Variants in SOAT1 observed in about 807,000 individuals in gnomAD.
SOAT1 encodes sterol O-acyltransferase 1, also known as acyl-coenzyme A:cholesterol acyltransferase 1.
Under a neutral mutation model 69.5 loss-of-function variants are expected in SOAT1, and 55 were observed. The ratio of observed to expected loss-of-function variants is 0.79; its 90% confidence interval spans 0.64 to 0.99. SOAT1 has a LOEUF of 0.99. SOAT1 is among the 50% of genes least tolerant of loss of function. The probability of loss-of-function intolerance (pLI) is 0.00; values close to 1 mark genes in which losing one functional copy is unlikely to be tolerated. For synonymous variants in SOAT1, 231 were observed against 224.7 expected, an observed-to-expected ratio of 1.03 and a Z score of -0.25; for missense variants, 580 against 669.3, an observed-to-expected ratio of 0.87 and a Z score of 1.47.
intron 2 of SOAT1, among the ~76,000 whole-genome samples, chr1:179,317,465 G>A (rs1343441707): frequency 2.0e-5 from 3 of 150,502 alleles, no homozygotes; most frequent in Admixed American, 6.6e-5. Context: ...CCCAGGAGGC[G>A]GAGCTTGCAG....
At chr1:179,312,911 A>G (rs1351266032) in intron 2 of SOAT1, among the ~76,000 whole-genome samples, 1 of 152,052 alleles carries the variant, frequency 6.6e-6, no homozygotes, top group Non-Finnish European at 1.5e-5. Context: ...CTGACCACAC[A>G]CTAGAAAAAG....
chr1:179,305,298 G>A (rs1371096981), intron 2 of SOAT1, among the ~76,000 whole-genome samples: 1 of 152,092 alleles, frequency 6.6e-6, no homozygotes. Context: ...CCAGGCTGGA[G>A]TGCAGGGGCT....
intron 7 of SOAT1, among the ~76,000 whole-genome samples, chr1:179,341,694 C>G (rs530878607): frequency 1.1e-4 from 16 of 152,024 alleles, no homozygotes; most frequent in Non-Finnish European, 1.9e-4. Flanking sequence ...GCCACCACAC[C>G]CGGCTAATTT....
chr1:179,337,578 C>T (rs1386453646), intron 4 of SOAT1, among the ~76,000 whole-genome samples: 1 of 152,018 alleles, frequency 6.6e-6, no homozygotes, highest in African/African-American at 2.4e-5. Flanking sequence ...CTGGGTGTGG[C>T]GAGCTTTCCC....
chr1:179,351,710 A>T (rs56303406), intron 15 of SOAT1, among the ~76,000 whole-genome samples: 3 of 135,664 alleles, frequency 2.2e-5, no homozygotes, highest in South Asian at 2.3e-4. Flanking sequence ...CCTTTTCTTC[A>T]GCCCCTTCTA....
intron 2 of SOAT1, among the ~76,000 whole-genome samples, chr1:179,322,037 A>G (rs1318366653): frequency 6.6e-6 from 1 of 151,800 alleles, no homozygotes; most frequent in Non-Finnish European, 1.5e-5. Context: ...GTGCACCACC[A>G]TGCCTGGCTA....
In SOAT1 at chr1:179,302,705, G is replaced by C. The variant is rs940472797; in HGVS notation, c.21G>C (p.Met7Ile). The C allele has an allele frequency of 1.2e-6, 2 of 1,603,768 alleles. No individual in the cohort carries two copies. Among genetic ancestry groups the C allele is most frequent in the Admixed American group, 3.5e-5 (2 of 56,472 alleles). MVGEEKMSLRNRLSKSR... is the reference protein window; with the variant it reads MVGEEKISLRNRLSKSR... Reference sequence around the variant, plus strand: ...ATACAATGGTGGGTGAAGAGAAGATGTCTCTAAGAAACCGGCTGTCAAAGT... The same window carrying C: ...ATACAATGGTGGGTGAAGAGAAGATCTCTCTAAGAAACCGGCTGTCAAAGT... The change falls in exon 2 of 16, where the codon ATG (methionine) becomes ATC (isoleucine). Residue 7 changes from methionine (M) to isoleucine (I), a missense_variant. Transcript: ENST00000367619.
chr1:179,333,683 A>G (rs1022469992), intron 3 of SOAT1, among the ~76,000 whole-genome samples: 3 of 151,812 alleles, frequency 2.0e-5, no homozygotes, highest in African/African-American at 7.2e-5. Flanking sequence ...AAAGTACAAA[A>G]TGGGCTGGGT....
chr1:179,299,741 CTATCTT>C (rs1664767046), intron 1 of SOAT1, among the ~76,000 whole-genome samples: 1 of 93,262 alleles, frequency 1.1e-5, no homozygotes, highest in Admixed American at 1.2e-4. Flanking sequence ...AATCATTTTG[CTATCTT>C]TTTTTTTTTT....
Position 179,339,535 on chromosome 1 carries a change from G to C in SOAT1, c.487G>C (p.Asp163His). Residue 163 changes from aspartate (D) to histidine (H), a missense_variant, in exon 6 of 16, where the codon GAT becomes CAT. Transcript: ENST00000367619. ...CAGCACACTTGTAGTAGATTACATT[G>C]ATGAAGGAAGGTAAGACAACAAAAA... ...ILSTLVVDYI[D>H]EGRLVLEFSL... 3 of 1,601,170 alleles carry C rather than the reference G, an allele frequency of 1.9e-6. No homozygotes were observed. The South Asian group carries it at 3.4e-5, about 18-fold the overall frequency.
At chr1:179,300,877 C>T (rs1664810710) in intron 1 of SOAT1, among the ~76,000 whole-genome samples, 1 of 152,012 alleles carries the variant, frequency 6.6e-6, no homozygotes, top group Non-Finnish European at 1.5e-5. Flanking sequence ...GGGCGGATAA[C>T]TTGAGGTCAG....
At position 179,302,770 on chromosome 1, in the gene SOAT1, C is replaced by A; in HGVS notation, c.86C>A (p.Pro29His). 6.2e-7 allele frequency: 1 copy of A among 1,601,970 alleles called. No individual in the cohort carries two copies. Among genetic ancestry groups the A allele is most frequent in the East Asian group, 2.2e-5 (1 of 44,694 alleles). ...GAGGAAGATGAAGACCAGAGAAACC[C>A]TGCAAAGGAGTCCCTAGAGACACCT... ...NPEEDEDQRNPAKESLETPSN... is the reference protein window; with the variant it reads ...NPEEDEDQRNHAKESLETPSN... Residue 29 changes from proline to histidine, a missense_variant, in exon 2 of 16, where the codon CCT (proline) becomes CAT (histidine). Physicochemically the swap from Pro to His is moderately conservative, Grantham distance 77. Coordinates refer to ENST00000367619, the MANE Select transcript of SOAT1 (RefSeq NM_003101.6).
chr1:179,302,583 A>T, intron 1 of SOAT1, 94 bp from the exon 2 acceptor site: 1 of 711,686 alleles, frequency 1.4e-6, no homozygotes, highest in Non-Finnish European at 2.2e-6. Flanking sequence ...TGAGACAGTT[A>T]AACCTCTTTC....
chr1:179,306,223 C>T (rs1413376976), intron 2 of SOAT1, among the ~76,000 whole-genome samples: 1 of 152,140 alleles, frequency 6.6e-6, no homozygotes, highest in African/African-American at 2.4e-5. Context: ...GATAAGGCTC[C>T]AACAGCCTCT....
intron 1 of SOAT1, among the ~76,000 whole-genome samples, chr1:179,302,402 C>A (rs188760747): frequency 6.6e-6 from 1 of 152,210 alleles, no homozygotes; most frequent in South Asian, 2.1e-4. Flanking sequence ...GGGGCAGTTT[C>A]CCCCATGCTG....
chr1:179,329,200 G>C (rs1237925937), intron 3 of SOAT1, among the ~76,000 whole-genome samples: 1 of 152,088 alleles, frequency 6.6e-6, no homozygotes, highest in Non-Finnish European at 1.5e-5. Context: ...TTAGCTGGGT[G>C]TGGTGACACA....
Position 179,350,429 on chromosome 1 carries a change from GAAGT to G in SOAT1, c.1450+4_1450+7del, listed in dbSNP as rs1393782007. 9.3e-6 allele frequency: 15 copies of G among 1,613,306 alleles called. No homozygotes were observed. The highest frequency in any genetic ancestry group is 1.3e-5 in the Non-Finnish European group (15 of 1,179,846). ...CTCTTCGTGCTCTTCATGTTCTTTG[GAAGT>G]AAGTATCTTGGTATGCTGTGAGTAC... On this transcript the variant is annotated splice_donor_variant and coding_sequence_variant, in exon 14 of 16. Transcript: ENST00000367619. LOFTEE classifies it high-confidence loss of function.
At chr1:179,320,535 G>A (rs1180747637) in intron 2 of SOAT1, among the ~76,000 whole-genome samples, 1 of 152,030 alleles carries the variant, frequency 6.6e-6, no homozygotes, top group Non-Finnish European at 1.5e-5. Flanking sequence ...AAGAAGCCAG[G>A]TGAAATTTTA....
intron 14 of SOAT1, among the ~76,000 whole-genome samples, chr1:179,351,021 C>CTTTTTTTTTTTTTTTTTTTTTTTTTT (rs201449849): frequency 7.8e-6 from 1 of 127,592 alleles, no homozygotes; most frequent in Non-Finnish European, 1.7e-5. Flanking sequence ...ATATTTCTTT[C>CTTTTTTTTTTTTTTTTTTTTTTTTTT]TTTTTTTTTT....
Sources: allele counts gnomAD v4.1 joint callset (sites outside exome capture counted in the v4.1 genomes callset), GRCh38; gene constraint gnomAD v4.1.1; transcripts MANE v1.5; gene names NCBI Gene and HGNC (gene_info 2026-07-23, HGNC 2026-07-21).